Variants in PLEKHS1 observed in about 807,000 individuals in gnomAD.
The protein encoded by PLEKHS1 is pleckstrin homology domain-containing family S member 1.
In PLEKHS1, 55 loss-of-function variants were observed where a neutral mutation model predicts 51.0. The ratio of observed to expected loss-of-function variants is 1.08; its 90% confidence interval spans 0.87 to 1.35. PLEKHS1 has a LOEUF of 1.35. PLEKHS1 is among the 40% of genes most tolerant of loss of function. The pLI, the probability that PLEKHS1 is intolerant of heterozygous loss-of-function variation, is 0.00. For missense variants in PLEKHS1, 398 were observed against 423.0 expected (o/e 0.94, Z 0.52); for synonymous variants, 153 against 144.8 (o/e 1.06, Z -0.41).
At chr10:113,767,511 C>T (rs1323987361) in intron 5 of PLEKHS1, 32 bp downstream of exon 5, 1 of 1,574,376 alleles carries the variant, frequency 6.4e-7, no homozygotes. Context: ...AGAATATCTA[C>T]TGCATGCAAA....
At chr10:113,774,127 T>C (rs2134562018) in intron 8 of PLEKHS1, 100 bp from the exon 9 acceptor site, 1 of 686,200 alleles carries the variant, frequency 1.5e-6, no homozygotes, top group South Asian at 1.8e-5. Context: ...CTGGAAACTG[T>C]ACCTCTATGT....
intron 2 of PLEKHS1, among the ~76,000 whole-genome samples, chr10:113,758,075 G>A (rs147107398): frequency 1.8e-4 from 27 of 152,232 alleles, no homozygotes; most frequent in East Asian, 1.7e-3. Flanking sequence ...CAAAGTCATC[G>A]AGGAGTATTG....
intron 8 of PLEKHS1, among the ~76,000 whole-genome samples, chr10:113,772,370 C>T (rs757744229): frequency 4.4e-4 from 67 of 152,012 alleles, no homozygotes; most frequent in Non-Finnish European, 7.5e-4. Context: ...ATTTCAGGGA[C>T]GAGATGACAT....
chr10:113,760,027 GCAGT>G (rs76023143), intron 2 of PLEKHS1, among the ~76,000 whole-genome samples: 27,889 of 151,930 alleles, frequency 0.18, 2,645 homozygotes, highest in South Asian at 0.28. Flanking sequence ...ACTCTTCCAT[GCAGT>G]CATACTTCCC....
intron 2 of PLEKHS1, 78 bp downstream of exon 2, chr10:113,755,383 A>T: frequency 6.5e-7 from 1 of 1,547,132 alleles, no homozygotes; most frequent in Non-Finnish European, 8.7e-7. Flanking sequence ...GCTAACCAGG[A>T]TACAGAACTT....
chr10:113,760,069 C>A (rs1843851059), intron 2 of PLEKHS1, among the ~76,000 whole-genome samples: 1 of 152,158 alleles, frequency 6.6e-6, no homozygotes, highest in Non-Finnish European at 1.5e-5. Context: ...GCTTTCTATC[C>A]CTATATGTTA....
In PLEKHS1 at chr10:113,774,078, G is replaced by C; in HGVS notation, c.673-149G>C. On this transcript the variant is annotated intron_variant, in intron 8 of 11. Transcript: ENST00000361048. ...GCTGGTTCAGTCTCGCGGAGGTAAG[G>C]TTGGTTGATATTTCTCAAATGAGAA... The C allele has an allele frequency of 5.4e-6, 3 of 556,552 alleles. No homozygotes were observed. The South Asian group carries it at 7.3e-5, about 14-fold the overall frequency. The allele number at this position is 556,552 out of a possible 1,614,324, so 34.5% of individuals were successfully genotyped here. A position where few individuals can be genotyped will look rare whatever the true frequency, so the allele number is the denominator to read the frequency against.
intron 10 of PLEKHS1, 120 bp from the exon 11 acceptor site, chr10:113,775,645 G>T: frequency 1.6e-6 from 1 of 611,462 alleles, no homozygotes; most frequent in South Asian, 2.7e-5. Flanking sequence ...CAAATGTTTT[G>T]AACAACCTTT....
intron 8 of PLEKHS1, among the ~76,000 whole-genome samples, chr10:113,772,615 C>CA (rs1456329444): frequency 2.6e-5 from 4 of 152,110 alleles, no homozygotes; most frequent in Non-Finnish European, 5.9e-5. Flanking sequence ...ACCCTGCTGT[C>CA]AGAGTGCATA....
intron 11 of PLEKHS1, among the ~76,000 whole-genome samples, 172 bp downstream of exon 11, chr10:113,776,038 C>A (rs763212673): frequency 6.6e-6 from 1 of 152,138 alleles, no homozygotes; most frequent in Admixed American, 6.5e-5. Flanking sequence ...AAATCAGGGT[C>A]TTGTTGTGCA....
At chr10:113,764,598 C>T (rs574640167) in intron 2 of PLEKHS1, among the ~76,000 whole-genome samples, 8 of 151,890 alleles carry the variant, frequency 5.3e-5, no homozygotes, top group African/African-American at 1.5e-4. Context: ...TATCTTGTGC[C>T]GAGATTCATT....
Position 113,775,868 on chromosome 10 carries a change from T to C in PLEKHS1, c.1091+2T>C. The C allele has an allele frequency of 1.3e-6, 2 of 1,597,226 alleles. No homozygotes were observed. Among genetic ancestry groups the C allele is most frequent in the Non-Finnish European group, 1.7e-6 (2 of 1,168,660 alleles). Reference sequence around the variant, plus strand: ...CACAGAAGCCACAGGACGGATATGGTAGGTTGGAGATTTGACTGTTGTGGA... The same window carrying C: ...CACAGAAGCCACAGGACGGATATGGCAGGTTGGAGATTTGACTGTTGTGGA... On this transcript the variant is annotated splice_donor_variant, in intron 11 of 11. Coordinates refer to ENST00000361048, the Ensembl canonical transcript of PLEKHS1. LOFTEE classifies it high-confidence loss of function.
At chr10:113,776,283 G>T (rs942652362) in intron 11 of PLEKHS1, among the ~76,000 whole-genome samples, 1 of 151,830 alleles carries the variant, frequency 6.6e-6, no homozygotes, top group Admixed American at 6.6e-5. Context: ...CCAGACACAA[G>T]GTTAAAAAAA....
chr10:113,774,373 T>C (rs1376902477), intron 9 of PLEKHS1, 40 bp downstream of exon 9: 5 of 1,179,100 alleles, frequency 4.2e-6, no homozygotes, highest in Non-Finnish European at 4.9e-6. Context: ...TGTTTGCTCA[T>C]CTGCTGTTAA....
chr10:113,778,643 C>CTTTTTTTTTTT (rs55821501), intron 11 of PLEKHS1, among the ~76,000 whole-genome samples: 1 of 127,114 alleles, frequency 7.9e-6, no homozygotes, highest in Non-Finnish European at 1.6e-5. Flanking sequence ...CGTTCACTTT[C>CTTTTTTTTTTT]TTTTTTTTTT....
At chr10:113,770,394 CAT>C (rs1436531110) in intron 7 of PLEKHS1, among the ~76,000 whole-genome samples, 1 of 152,214 alleles carries the variant, frequency 6.6e-6, no homozygotes, top group Non-Finnish European at 1.5e-5. Context: ...CATTTGAAGA[CAT>C]AAAATATAAT....
At chr10:113,775,979 G>A (rs879048663) in intron 11 of PLEKHS1, 113 bp downstream of exon 11, 3 of 715,820 alleles carry the variant, frequency 4.2e-6, no homozygotes, top group South Asian at 2.7e-5. Flanking sequence ...TGGGGCGGGG[G>A]AGCTTGGACT....
intron 2 of PLEKHS1, among the ~76,000 whole-genome samples, chr10:113,760,072 A>G (rs888605504): frequency 1.3e-5 from 2 of 152,114 alleles, no homozygotes; most frequent in African/African-American, 2.4e-5. Flanking sequence ...TTCTATCCCT[A>G]TATGTTAGTT....
intron 6 of PLEKHS1, 25 bp from the exon 7 acceptor site, chr10:113,769,759 G>A: frequency 6.7e-7 from 1 of 1,486,400 alleles, no homozygotes; most frequent in South Asian, 1.1e-5. Flanking sequence ...ACTGTGCCCT[G>A]ACTGATTCCT....
Sources: gnomAD v4.1 joint callset for allele counts (sites outside exome capture counted in the v4.1 genomes callset) on GRCh38, gnomAD v4.1.1 for gene constraint, MANE v1.5 for transcripts, NCBI Gene and HGNC (gene_info 2026-07-23, HGNC 2026-07-21) for gene names.